LRGUK: variants seen among roughly 807,000 people sequenced by gnomAD.
LRGUK encodes the protein leucine rich repeats and guanylate kinase domain containing, also known as leucine-rich repeat and guanylate kinase domain-containing protein.
A neutral mutation model predicts 76.0 loss-of-function variants in LRGUK; 65 were observed. That is an observed-to-expected ratio of 0.85 (90% CI 0.70 to 1.05). The LOEUF (loss-of-function observed/expected upper bound fraction) is 1.05. Ranked by LOEUF, LRGUK falls within the 50% of genes least tolerant of loss-of-function variation. The probability of loss-of-function intolerance (pLI) is 0.00; values close to 1 mark genes in which losing one functional copy is unlikely to be tolerated. For synonymous variants in LRGUK, 268 were observed against 265.6 expected (o/e 1.01, Z -0.09); for missense variants, 758 against 732.8 (o/e 1.03, Z -0.40).
intron 5 of LRGUK, among the ~76,000 whole-genome samples, chr7:134,148,803 G>C (rs1798085256): frequency 6.6e-6 from 1 of 151,880 alleles, no homozygotes; most frequent in Non-Finnish European, 1.5e-5. Context: ...GGATGTGCCT[G>C]TAATCCCAGA....
At chr7:134,192,432 G>C (rs553293587) in intron 12 of LRGUK, among the ~76,000 whole-genome samples, 1 of 152,254 alleles carries the variant, frequency 6.6e-6, no homozygotes, top group South Asian at 2.1e-4. Context: ...CTATTTCACA[G>C]GCACTCAGAA....
chr7:134,221,774 A>G lies in LRGUK; in HGVS notation c.1844-5A>G. ...ATTTTAAACTTTATTTTTTTTTCCTACCAGATGTTAAGACATCCCACCTGA... is the reference window on the plus strand; with the variant it reads ...ATTTTAAACTTTATTTTTTTTTCCTGCCAGATGTTAAGACATCCCACCTGA... On this transcript the variant is annotated splice_region_variant and splice_polypyrimidine_tract_variant and intron_variant, in intron 15 of 19. Transcript: ENST00000285928. 6.8e-7 allele frequency: 1 copy of G among 1,479,822 alleles called. No individual in the cohort carries two copies. The highest frequency in any genetic ancestry group is 8.9e-7 in the Non-Finnish European group (1 of 1,120,084). 91.7% of individuals were successfully genotyped at this position (1,479,822 alleles called of 1,614,324 possible). A position where few individuals can be genotyped will look rare whatever the true frequency, so the allele number is the denominator to read the frequency against.
intron 16 of LRGUK, among the ~76,000 whole-genome samples, chr7:134,229,317 C>A (rs866996073): frequency 6.6e-6 from 1 of 151,618 alleles, no homozygotes; most frequent in African/African-American, 2.4e-5. Flanking sequence ...GAGCTGAGAT[C>A]GCGCCACTGC....
chr7:134,165,651 A>ATT (rs1364531045), intron 7 of LRGUK, among the ~76,000 whole-genome samples: 1 of 152,202 alleles, frequency 6.6e-6, no homozygotes, highest in Admixed American at 6.5e-5. Flanking sequence ...TTGATGAGAT[A>ATT]TTTAACCTTC....
At chr7:134,198,428 A>C (rs1303217319) in intron 13 of LRGUK, among the ~76,000 whole-genome samples, 1 of 152,156 alleles carries the variant, frequency 6.6e-6, no homozygotes, top group Non-Finnish European at 1.5e-5. Context: ...ATTTTTCCAG[A>C]CTGCCCTGGT....
chr7:134,164,041 C>T (rs1355603070), intron 7 of LRGUK, among the ~76,000 whole-genome samples: 1 of 151,938 alleles, frequency 6.6e-6, no homozygotes, highest in African/African-American at 2.4e-5. Context: ...TATAACATGG[C>T]GATTATCGTT....
intron 4 of LRGUK, among the ~76,000 whole-genome samples, chr7:134,147,494 G>C (rs139533587): frequency 5.3e-5 from 8 of 151,602 alleles, no homozygotes; most frequent in African/African-American, 9.7e-5. Flanking sequence ...TATGGAAATA[G>C]GAATAGAAAG....
rs1801112986 is a variant in LRGUK at position 134,208,781 on chromosome 7, CT to C, written c.1919del (p.Leu640ArgfsTer7). The C allele has an allele frequency of 3.8e-5, 15 of 399,066 alleles. No homozygotes were observed. The highest frequency in any genetic ancestry group is 1.3e-4 in the Admixed American group (3 of 22,734). 24.7% of individuals were successfully genotyped at this position (399,066 alleles called of 1,614,324 possible). A position where few individuals can be genotyped will look rare whatever the true frequency, so the allele number is the denominator to read the frequency against. ...TCCATCTCCCAGGTGCTTGGCGAAACTGCAAGCAGATGGCCAGATGACAGAG... is the reference window on the plus strand; with the variant it reads ...TCCATCTCCCAGGTGCTTGGCGAAACGCAAGCAGATGGCCAGATGACAGAG... On this transcript the variant is annotated frameshift_variant, in exon 16 of 16. Coordinates refer to ENST00000645682, the Ensembl canonical transcript of LRGUK. LOFTEE classifies it low-confidence loss of function (END_TRUNC).
At chr7:134,150,411 G>A (rs574273410) in intron 5 of LRGUK, among the ~76,000 whole-genome samples, 5 of 150,648 alleles carry the variant, frequency 3.3e-5, no homozygotes, top group South Asian at 4.2e-4. Flanking sequence ...GCAGTGAGCC[G>A]AGATTGCACC....
chr7:134,254,208 A>G (rs935755601), intron 18 of LRGUK, among the ~76,000 whole-genome samples: 1 of 152,248 alleles, frequency 6.6e-6, no homozygotes, highest in African/African-American at 2.4e-5. Flanking sequence ...GTGCAAACAG[A>G]AAGATACTGC....
intron 10 of LRGUK, among the ~76,000 whole-genome samples, chr7:134,180,176 A>G (rs1257937357): frequency 6.6e-6 from 1 of 152,104 alleles, no homozygotes; most frequent in Non-Finnish European, 1.5e-5. Flanking sequence ...GAAAAATAGT[A>G]TTTCCCAATT....
chr7:134,199,420 A>C (rs886792808), exon 14 of LRGUK: 1 of 1,607,724 alleles, frequency 6.2e-7, no homozygotes, highest in Non-Finnish European at 8.5e-7. Flanking sequence ...TAATCAATGC[A>C]GGTTGGTAAT....
intron 4 of LRGUK, among the ~76,000 whole-genome samples, chr7:134,146,137 G>T (rs1474436892): frequency 2.6e-5 from 4 of 152,102 alleles, no homozygotes; most frequent in Non-Finnish European, 5.9e-5. Flanking sequence ...AGCCTGGCAT[G>T]ATGGTGGGAG....
rs78253935 is a variant in LRGUK at position 134,188,777 on chromosome 7, G to T, written c.1335-2878G>T. On this transcript the variant is annotated intron_variant, in intron 11 of 15. Transcript: ENST00000645682. ...TCACTTACTAACAATGTGATGTGCT[G>T]TAATGTGCTTGAATTCAGATGTGCT... Among the ~76,000 whole-genome samples, 3 of 152,260 alleles carry T rather than the reference G, an allele frequency of 2.0e-5. No individual in the cohort carries two copies. The East Asian group carries it at 5.8e-4, about 29-fold the overall frequency.
At chr7:134,144,388 C>T (rs1797887773) in intron 4 of LRGUK, among the ~76,000 whole-genome samples, 1 of 148,564 alleles carries the variant, frequency 6.7e-6, no homozygotes, top group African/African-American at 2.5e-5. Context: ...ATCCACCTGC[C>T]TCAGCCTCCC....
intron 16 of LRGUK, among the ~76,000 whole-genome samples, chr7:134,231,263 G>C (rs1718842631): frequency 1.3e-5 from 2 of 152,116 alleles, no homozygotes; most frequent in African/African-American, 4.8e-5. Context: ...TGAGTCAAAG[G>C]AGGTGTGGCC....
chr7:134,257,234 G>A (rs140010620), intron 18 of LRGUK, among the ~76,000 whole-genome samples: 8 of 152,288 alleles, frequency 5.3e-5, no homozygotes, highest in East Asian at 3.9e-4. Context: ...TATCCAAAAC[G>A]TAATGGCTTA....
chr7:134,216,618 T>C (rs560558650), intron 15 of LRGUK, among the ~76,000 whole-genome samples: 1 of 152,326 alleles, frequency 6.6e-6, no homozygotes, highest in South Asian at 2.1e-4. Context: ...ATTTCATTAT[T>C]GATAAAATCA....
intron 5 of LRGUK, among the ~76,000 whole-genome samples, chr7:134,157,613 C>T (rs907045009): frequency 6.6e-6 from 1 of 152,210 alleles, no homozygotes; most frequent in Non-Finnish European, 1.5e-5. Context: ...AGCTCCGCCT[C>T]CCGGGTTCAC....
Sources: gnomAD v4.1 joint callset for allele counts (sites outside exome capture counted in the v4.1 genomes callset) on GRCh38, gnomAD v4.1.1 for gene constraint, MANE v1.5 for transcripts, NCBI Gene and HGNC (gene_info 2026-07-23, HGNC 2026-07-21) for gene names.